Variants in BCO1 observed in about 807,000 individuals in gnomAD.
BCO1 encodes beta,beta-carotene 15,15'-dioxygenase.
A neutral mutation model predicts 56.3 loss-of-function variants in BCO1; 54 were observed. The ratio of observed to expected loss-of-function variants is 0.96; its 90% CI spans 0.77 to 1.20. The LOEUF (loss-of-function observed/expected upper bound fraction) is 1.20, where lower values mean the gene tolerates loss of function less well. Ranked by LOEUF, BCO1 falls within the 50% of genes most tolerant of loss-of-function variation. The pLI is 0.00. For missense variants in BCO1, 801 were observed against 690.9 expected (o/e 1.16, Z -1.79); for synonymous variants, 318 against 266.1 (o/e 1.20, Z -1.90).
chr16:81,279,849 G>A (rs971430383), intron 7 of BCO1, among the ~76,000 whole-genome samples: 6 of 152,144 alleles, frequency 3.9e-5, no homozygotes, highest in Admixed American at 3.9e-4. Flanking sequence ...TTTATTGCAT[G>A]TTTGTTTTCA....
chr16:81,251,582 A>T (rs1301990912), intron 2 of BCO1, among the ~76,000 whole-genome samples: 1 of 152,050 alleles, frequency 6.6e-6, no homozygotes, highest in Non-Finnish European at 1.5e-5. Flanking sequence ...AAAGAAAAAC[A>T]TGTAAAAAAT....
At chr16:81,288,096 G>A (rs971037581) in intron 10 of BCO1, among the ~76,000 whole-genome samples, 2 of 152,112 alleles carry the variant, frequency 1.3e-5, no homozygotes, top group Non-Finnish European at 2.9e-5. Context: ...CAGGACATTC[G>A]ACGGGTATAG....
chr16:81,261,194 C>A (rs1906461253), intron 3 of BCO1, among the ~76,000 whole-genome samples: 1 of 152,128 alleles, frequency 6.6e-6, no homozygotes, highest in African/African-American at 2.4e-5. Context: ...AAACCACGAC[C>A]TGGAGGTCCT....
At chr16:81,243,629 T>G (rs907148868) in intron 1 of BCO1, among the ~76,000 whole-genome samples, 1 of 152,136 alleles carries the variant, frequency 6.6e-6, no homozygotes. Context: ...TCATCACACC[T>G]GGCTAATTTT....
In BCO1 at chr16:81,260,659, C is replaced by G. The variant is rs139721875; in HGVS notation, c.323+854C>G. Among the ~76,000 whole-genome samples, 201 of 152,258 alleles carry G rather than the reference C, an allele frequency of 1.3e-3. 1 individual carries two copies. In the East Asian group the frequency reaches 0.014, roughly 11 times the overall value. On this transcript the variant is annotated intron_variant, in intron 3 of 10. Transcript: ENST00000258168. The stretch of plus-strand genomic sequence containing the variant: ...AAGTAGCTGGGATTACAGGCACCCA[C>G]CACCACGCCCGGCTAATTTTTATAT...
intron 5 of BCO1, among the ~76,000 whole-genome samples, chr16:81,267,578 A>G (rs1906904912): frequency 6.6e-6 from 1 of 152,294 alleles, no homozygotes; most frequent in South Asian, 2.1e-4. Flanking sequence ...GTGCCCCTAC[A>G]TTCCAGTCTG....
intron 2 of BCO1, among the ~76,000 whole-genome samples, chr16:81,258,871 C>A (rs1271961088): frequency 6.6e-6 from 1 of 151,942 alleles, no homozygotes; most frequent in South Asian, 2.1e-4. Flanking sequence ...TGGTTTCTGG[C>A]GAGGGCCTCA....
chr16:81,268,185 G>T lies in BCO1; in HGVS notation c.843+54G>T, dbSNP rs549301762. The T allele has an allele frequency of 1.8e-5, 27 of 1,525,094 alleles. No individual in the cohort carries two copies. In the East Asian group the frequency reaches 5.8e-4, roughly 33 times the overall value. The allele number at this position is 1,525,094 out of a possible 1,614,324, so 94.5% of individuals were successfully genotyped here. A position where few individuals can be genotyped will look rare whatever the true frequency, so the allele number is the denominator to read the frequency against. On this transcript the variant is annotated intron_variant, in intron 6 of 10. Transcript: ENST00000258168. ...GGGTGCTGGCTGACCATGGAGGGAG[G>T]CTGGTGTGCAGGAGGGTGAAGTTTA...
Position 81,290,255 on chromosome 16 carries a change from T to C in BCO1, c.1415-93T>C. On this transcript the variant is annotated intron_variant, in intron 10 of 10. Coordinates refer to ENST00000258168, the MANE Select transcript of BCO1 (RefSeq NM_017429.3). ...CCCTCCTGTTTTGGTTAGATACATA[T>C]GTTTAAAGAGGGCAGAGAGACATGC... 4 of 1,064,892 alleles carry C rather than the reference T, an allele frequency of 3.8e-6. No individual in the cohort carries two copies. In the South Asian group the frequency reaches 3.9e-5, roughly 10 times the overall value. 66.0% of individuals were successfully genotyped at this position (1,064,892 alleles called of 1,614,324 possible). A position where few individuals can be genotyped will look rare whatever the true frequency, so the allele number is the denominator to read the frequency against.
chr16:81,285,706 T>C, intron 9 of BCO1, 72 bp downstream of exon 9: 1 of 1,153,108 alleles, frequency 8.7e-7, no homozygotes, highest in Non-Finnish European at 1.3e-6. Flanking sequence ...AATTCTAAGG[T>C]TCTGAGACGT....
At chr16:81,264,893 C>A in intron 5 of BCO1, 106 bp downstream of exon 5, 1 of 1,308,592 alleles carries the variant, frequency 7.6e-7, no homozygotes, top group Non-Finnish European at 1.1e-6. Context: ...GGTACTTTCT[C>A]CCGTAGATTA....
intron 9 of BCO1, among the ~76,000 whole-genome samples, 195 bp from the exon 10 acceptor site, chr16:81,287,100 A>C (rs1908226056): frequency 6.6e-6 from 1 of 152,022 alleles, no homozygotes; most frequent in Non-Finnish European, 1.5e-5. Context: ...CAAACAAAAA[A>C]CTGGGGGAGG....
intron 2 of BCO1, among the ~76,000 whole-genome samples, chr16:81,249,486 G>C (rs996816315): frequency 6.6e-6 from 1 of 152,142 alleles, no homozygotes; most frequent in Non-Finnish European, 1.5e-5. Flanking sequence ...TTGATCTCCT[G>C]ACCTCGTGAT....
In BCO1 at chr16:81,239,355, G is replaced by A. The variant is rs868668127; in HGVS notation, c.64+383G>A. On this transcript the variant is annotated intron_variant, in intron 1 of 10. Transcript: ENST00000258168. ...TAGATGGACACTATTTTTTCCTGATGATATAAGTAATACTAATTGTAAATT... is the reference window on the plus strand; with the variant it reads ...TAGATGGACACTATTTTTTCCTGATAATATAAGTAATACTAATTGTAAATT... Among the ~76,000 whole-genome samples the A allele has an allele frequency of 7.3e-4, 111 of 152,216 alleles. 1 individual carries two copies. The highest frequency in any genetic ancestry group is 2.6e-3 in the African/African-American group (106 of 41,558).
At chr16:81,270,553 T>TC in intron 7 of BCO1, 137 bp downstream of exon 7, 1 of 1,210,272 alleles carries the variant, frequency 8.3e-7, no homozygotes, top group Non-Finnish European at 1.2e-6. Context: ...TCATTGTTTT[T>TC]CCCAAAGTAG....
In BCO1 at chr16:81,245,773, C is replaced by G. The variant is rs11640168; in HGVS notation, c.193+170C>G. 0.4 allele frequency among the ~76,000 whole-genome samples: 59,633 copies of G among 150,656 alleles called. 12,501 individuals carry two copies. The highest frequency in any genetic ancestry group is 0.55 in the African/African-American group (22,421 of 41,136). On this transcript the variant is annotated intron_variant, in intron 2 of 10. Transcript: ENST00000258168. ...AGGGCCACATTCAGTTCTGGAGGCT[C>G]TAGGAAAAATATCCACGTTCTTCCG...
At chr16:81,280,049 G>C (rs1410093084) in intron 7 of BCO1, among the ~76,000 whole-genome samples, 2 of 151,822 alleles carry the variant, frequency 1.3e-5, no homozygotes, top group Admixed American at 6.6e-5. Context: ...GATCACTTGA[G>C]GTCAGGAGTT....
chr16:81,262,284 G>C lies in BCO1; in HGVS notation c.471+1G>C, dbSNP rs149750747. On this transcript the variant is annotated splice_donor_variant, in intron 4 of 10. Coordinates refer to ENST00000258168, the MANE Select transcript of BCO1 (RefSeq NM_017429.3). LOFTEE classifies it high-confidence loss of function. The stretch of plus-strand genomic sequence containing the variant: ...ACAGACTCTGGAAACCCTGGAGAAG[G>C]TATCAACACATATGTAACCAGCATC... 1.2e-6 allele frequency: 2 copies of C among 1,612,610 alleles called. No homozygotes were observed. The highest frequency in any genetic ancestry group is 1.7e-6 in the Non-Finnish European group (2 of 1,178,796).
intron 2 of BCO1, among the ~76,000 whole-genome samples, chr16:81,250,213 A>T (rs1056341945): frequency 6.6e-6 from 1 of 152,108 alleles, no homozygotes; most frequent in African/African-American, 2.4e-5. Context: ...CACAGCTAAG[A>T]GTTGGTAAAG....
Sources: gnomAD v4.1 joint callset for allele counts (sites outside exome capture counted in the v4.1 genomes callset) on GRCh38, gnomAD v4.1.1 for gene constraint, MANE v1.5 for transcripts, NCBI Gene and HGNC (gene_info 2026-07-23, HGNC 2026-07-21) for gene names.